The following GLI3 variants were observed in gnomAD, a reference collection of about 807,000 sequenced individuals.
GLI3 encodes the protein transcription activator GLI3.
In GLI3, 20 loss-of-function variants were observed where a neutral mutation model predicts 100.8. The observed-to-expected ratio is 0.20, with a 90% CI of 0.14 to 0.29. The LOEUF is 0.29. Among genes scored for constraint, GLI3 ranks in the 10% least tolerant of loss-of-function variants. The pLI is 1.00. For missense variants in GLI3, 2,040 were observed against 2,128.5 expected (o/e 0.96, Z 0.82); for synonymous variants, 938 against 860.5 (o/e 1.09, Z -1.58).
chr7:41,985,882 TA>T (rs1399890512), intron 10 of GLI3, among the ~76,000 whole-genome samples: 1 of 152,228 alleles, frequency 6.6e-6, no homozygotes, highest in Non-Finnish European at 1.5e-5. Flanking sequence ...TAATTTTAGA[TA>T]AATAAAATAA....
chr7:42,129,041 C>T (rs1486243002), intron 3 of GLI3, among the ~76,000 whole-genome samples: 2 of 152,166 alleles, frequency 1.3e-5, no homozygotes, highest in African/African-American at 2.4e-5. Flanking sequence ...TCTCACCTGT[C>T]CCTCCAAAGA....
At chr7:42,156,764 G>A (rs1486261762) in intron 2 of GLI3, among the ~76,000 whole-genome samples, 1 of 152,216 alleles carries the variant, frequency 6.6e-6, no homozygotes, top group Non-Finnish European at 1.5e-5. Flanking sequence ...AAACCTCTGT[G>A]TGCAGCAGCT....
intron 10 of GLI3, among the ~76,000 whole-genome samples, chr7:41,988,337 C>T (rs961054109): frequency 6.6e-6 from 1 of 152,004 alleles, no homozygotes; most frequent in Non-Finnish European, 1.5e-5. Context: ...GTAGCAGGTG[C>T]CTGTAATCCC....
chr7:42,113,024 T>G (rs1489781298), intron 3 of GLI3, among the ~76,000 whole-genome samples: 1 of 151,864 alleles, frequency 6.6e-6, no homozygotes, highest in Admixed American at 6.6e-5. Context: ...AATACAAAAA[T>G]TAGCCGAGCA....
At chr7:42,178,302 A>G (rs949259510) in intron 2 of GLI3, among the ~76,000 whole-genome samples, 4 of 152,180 alleles carry the variant, frequency 2.6e-5, no homozygotes, top group African/African-American at 4.8e-5. Context: ...TTACCATCAT[A>G]TCAGTAAGGC....
chr7:42,115,382 T>C (rs368821465), intron 3 of GLI3, among the ~76,000 whole-genome samples: 126 of 152,218 alleles, frequency 8.3e-4, no homozygotes, highest in African/African-American at 2.8e-3. Flanking sequence ...TTAAGTGACC[T>C]GCCCACCTCG....
intron 4 of GLI3, among the ~76,000 whole-genome samples, chr7:42,054,970 G>A (rs1475077626): frequency 6.6e-6 from 1 of 151,364 alleles, no homozygotes; most frequent in Non-Finnish European, 1.5e-5. Context: ...ACTCCAGCCT[G>A]GGCAAGAGAG....
rs1003954286 is a variant in GLI3 at position 42,218,144 on chromosome 7, G to A, written c.124+4986C>T. Among the ~76,000 whole-genome samples, 10 of 152,050 alleles carry A rather than the reference G, an allele frequency of 6.6e-5. No individual in the cohort carries two copies. The South Asian group carries it at 1.9e-3, about 28-fold the overall frequency. ...CATTTTATCTGAACATCCTTTCCAC[G>A]TATCTGTCATGTGCCAGGAAATGGG... On this transcript the variant is annotated intron_variant, in intron 2 of 14. Transcript: ENST00000395925.
chr7:42,160,294 T>C (rs1253499628), intron 2 of GLI3, among the ~76,000 whole-genome samples: 1 of 152,220 alleles, frequency 6.6e-6, no homozygotes, highest in Non-Finnish European at 1.5e-5. Flanking sequence ...GATGTCCAGG[T>C]TGAATATCCC....
chr7:41,991,211 C>T (rs1299105139), intron 10 of GLI3, among the ~76,000 whole-genome samples: 5 of 152,114 alleles, frequency 3.3e-5, no homozygotes, highest in Non-Finnish European at 7.4e-5. Context: ...ATTTGCTTGG[C>T]AATTAAAAGT....
chr7:42,192,747 G>C (rs1355724672), intron 2 of GLI3, among the ~76,000 whole-genome samples: 2 of 152,194 alleles, frequency 1.3e-5, no homozygotes, highest in Non-Finnish European at 2.9e-5. Context: ...AGGAGGGGAA[G>C]GCCTCCTAAT....
chr7:42,054,509 T>C (rs1784412683), intron 4 of GLI3, among the ~76,000 whole-genome samples: 1 of 152,172 alleles, frequency 6.6e-6, no homozygotes, highest in Non-Finnish European at 1.5e-5. Flanking sequence ...GACTGAAATA[T>C]GTTGGTTTTT....
chr7:42,140,548 T>C lies in GLI3; in HGVS notation c.367+7678A>G, dbSNP rs865845355. 5.1e-4 allele frequency among the ~76,000 whole-genome samples: 78 copies of C among 152,122 alleles called. 1 individual carries two copies. The highest frequency in any genetic ancestry group is 1.6e-3 in the African/African-American group (65 of 41,416). On this transcript the variant is annotated intron_variant, in intron 3 of 14. Coordinates refer to ENST00000395925, the MANE Select transcript of GLI3 (RefSeq NM_000168.6). ...GACCCAAATTTAATAGCTTAAAGAA[T>C]TGAGGAAGTTGGATCCTTTTCAAAG...
chr7:41,966,308 G>A lies in GLI3; in HGVS notation c.2765C>T (p.Thr922Met), dbSNP rs773038952. 7 of 1,607,700 alleles carry A rather than the reference G, an allele frequency of 4.4e-6. No individual in the cohort carries two copies. In the South Asian group the frequency reaches 4.4e-5, roughly 10 times the overall value. Reference protein sequence around the residue: ...SDGLPSLLSLTPAQQYRLKAK... With the variant: ...SDGLPSLLSLMPAQQYRLKAK... Reference sequence around the variant, plus strand: ...CTTGAGGCGGTACTGCTGGGCGGGCGTGAGGCTGAGCAGGCTGGGCAGGCC... The same window carrying A: ...CTTGAGGCGGTACTGCTGGGCGGGCATGAGGCTGAGCAGGCTGGGCAGGCC... Residue 922 changes from threonine to methionine, a missense_variant, in exon 15 of 15, where the codon ACG becomes ATG. Physicochemically the swap from Thr to Met is moderately conservative, Grantham distance 81 (BLOSUM62 -1). Around this residue, in one of 5 missense-constraint regions of GLI3, gnomAD observed 1,041 missense variants for 924.0 expected, o/e 1.13. Transcript: ENST00000395925. This position sits in a 1 kb window ranked among gnomAD's most constrained non-coding sequence, Gnocchi z 5.8.
chr7:42,258,042 T>C (rs1269585071), intron 1 of GLI3, among the ~76,000 whole-genome samples: 1 of 152,182 alleles, frequency 6.6e-6, no homozygotes, highest in African/African-American at 2.4e-5. Context: ...TGGCACTCTG[T>C]AATTCTTTAC....
intron 2 of GLI3, among the ~76,000 whole-genome samples, chr7:42,180,318 C>A (rs117758526): frequency 1.3e-5 from 2 of 152,164 alleles, no homozygotes; most frequent in Admixed American, 6.5e-5. Context: ...TTTTGTGGAA[C>A]AAGTGACTGG....
At chr7:42,194,455 G>A (rs566571200) in intron 2 of GLI3, among the ~76,000 whole-genome samples, 1 of 152,174 alleles carries the variant, frequency 6.6e-6, no homozygotes, top group African/African-American at 2.4e-5. Flanking sequence ...TCTGCTTCTT[G>A]GACTTCATCC....
chr7:42,257,546 G>A (rs1430393190), intron 1 of GLI3, among the ~76,000 whole-genome samples: 4 of 151,816 alleles, frequency 2.6e-5, no homozygotes, highest in Non-Finnish European at 5.9e-5. Flanking sequence ...GGGTTTCACC[G>A]TATTAGCCAG....
chr7:42,210,667 T>A (rs1054525314), intron 2 of GLI3, among the ~76,000 whole-genome samples: 1 of 152,196 alleles, frequency 6.6e-6, no homozygotes, highest in East Asian at 1.9e-4. Flanking sequence ...ACATGCTTTT[T>A]AAAAATCATA....
Sources: allele counts gnomAD v4.1 joint callset (sites outside exome capture counted in the v4.1 genomes callset), GRCh38; gene constraint gnomAD v4.1.1; regional missense constraint gnomAD v4.1.1; non-coding constraint Gnocchi (gnomAD v3.1); transcripts MANE v1.5; gene names NCBI Gene and HGNC (gene_info 2026-07-23, HGNC 2026-07-21).